IRAK2: variants seen among roughly 807,000 people sequenced by gnomAD.
IRAK2 encodes interleukin 1 receptor associated kinase 2.
IRAK2 carries 57 observed loss-of-function variants against 72.0 expected under a neutral mutation model. That is an observed-to-expected ratio of 0.79 (90% CI 0.64 to 0.99). The LOEUF (loss-of-function observed/expected upper bound fraction) is 0.99, where lower values mean the gene tolerates loss of function less well. IRAK2 is among the 50% of genes least tolerant of loss of function. IRAK2 has a pLI of 0.00. For synonymous variants in IRAK2, 293 were observed against 312.7 expected (o/e 0.94, Z 0.67); for missense variants, 790 against 794.4 (o/e 0.99, Z 0.07).
intron 1 of IRAK2, among the ~76,000 whole-genome samples, 190 bp downstream of exon 1, chr3:10,165,238 C>T (rs1696662383): frequency 6.6e-6 from 1 of 152,234 alleles, no homozygotes; most frequent in African/African-American, 2.4e-5. Context: ...CGCGTGGTCT[C>T]TGAGGACGTC....
chr3:10,231,377 T>C (rs547156845), intron 10 of IRAK2, among the ~76,000 whole-genome samples: 48 of 152,240 alleles, frequency 3.2e-4, no homozygotes, highest in African/African-American at 1.1e-3. Context: ...CCACAACCTC[T>C]GTCTCCCAGG....
At chr3:10,231,592 CA>C (rs1047758941) in intron 10 of IRAK2, among the ~76,000 whole-genome samples, 16 of 152,112 alleles carry the variant, frequency 1.1e-4, no homozygotes, top group Non-Finnish European at 4.4e-5. Context: ...CGTGCCCAGC[CA>C]AAAGTTGCTT....
chr3:10,229,673 C>A (rs1697830173), intron 10 of IRAK2, among the ~76,000 whole-genome samples: 2 of 152,168 alleles, frequency 1.3e-5, no homozygotes, highest in South Asian at 4.1e-4. Flanking sequence ...TAATTCATTC[C>A]TTTTCATTGC....
chr3:10,191,226 C>T (rs938864002), intron 2 of IRAK2, among the ~76,000 whole-genome samples: 19 of 151,150 alleles, frequency 1.3e-4, no homozygotes, highest in Admixed American at 1.3e-3. Flanking sequence ...ACCCGGGAGG[C>T]GGAGCTTGCA....
chr3:10,236,852 A>T (rs1227569944), intron 11 of IRAK2, among the ~76,000 whole-genome samples: 1 of 152,242 alleles, frequency 6.6e-6, no homozygotes, highest in Non-Finnish European at 1.5e-5. Context: ...ATAGATGTTT[A>T]TTCTCTTTAG....
At chr3:10,171,963 C>G (rs113921681) in intron 1 of IRAK2, among the ~76,000 whole-genome samples, 1 of 150,664 alleles carries the variant, frequency 6.6e-6, no homozygotes, top group Non-Finnish European at 1.5e-5. Context: ...ATGGGCTGGG[C>G]GTAGTGGCTC....
At chr3:10,202,127 T>A (rs2125152207) in intron 3 of IRAK2, among the ~76,000 whole-genome samples, 1 of 152,076 alleles carries the variant, frequency 6.6e-6, no homozygotes, top group East Asian at 1.9e-4. Context: ...GGCCAAGGAG[T>A]CTGGATTATT....
At chr3:10,217,155 G>C in intron 7 of IRAK2, 107 bp downstream of exon 7, 1 of 735,362 alleles carries the variant, frequency 1.4e-6, no homozygotes, top group Non-Finnish European at 2.4e-6. Context: ...CCATCTAGGT[G>C]AGACCAGGGA....
intron 9 of IRAK2, among the ~76,000 whole-genome samples, chr3:10,224,292 G>C (rs929826036): frequency 6.7e-6 from 1 of 150,102 alleles, no homozygotes; most frequent in African/African-American, 2.5e-5. Context: ...AGCCGAGATC[G>C]CGCCATTGCA....
intron 2 of IRAK2, among the ~76,000 whole-genome samples, chr3:10,181,791 G>C (rs1442562952): frequency 6.6e-6 from 1 of 151,992 alleles, no homozygotes; most frequent in Non-Finnish European, 1.5e-5. Flanking sequence ...TCCGACCCTG[G>C]AGACTGGAAT....
At position 10,165,049 on chromosome 3, in the gene IRAK2, G is replaced by C. The variant is rs1185725869; in HGVS notation, c.94+1G>C. Reference sequence around the variant, plus strand: ...AGCGAGTGGGACTGGATGGAGTTCGGTGAGTGCGGCCCGGGGAGGGGAGGG... The same window carrying C: ...AGCGAGTGGGACTGGATGGAGTTCGCTGAGTGCGGCCCGGGGAGGGGAGGG... On this transcript the variant is annotated splice_donor_variant, in intron 1 of 12. Transcript: ENST00000256458. LOFTEE classifies it high-confidence loss of function. The C allele has an allele frequency of 6.2e-7, 1 of 1,609,700 alleles. No homozygotes were observed. Among genetic ancestry groups the C allele is most frequent in the Non-Finnish European group, 8.5e-7 (1 of 1,178,772 alleles).
At chr3:10,166,964 G>A (rs761138246) in intron 1 of IRAK2, among the ~76,000 whole-genome samples, 2 of 152,072 alleles carry the variant, frequency 1.3e-5, no homozygotes, top group South Asian at 2.1e-4. Flanking sequence ...TACTTTGAAT[G>A]TTTCCTGGGC....
At chr3:10,182,214 C>G (rs527416766) in intron 2 of IRAK2, among the ~76,000 whole-genome samples, 1 of 151,986 alleles carries the variant, frequency 6.6e-6, no homozygotes, top group Non-Finnish European at 1.5e-5. Context: ...GGTGATCCAC[C>G]GGCCTTGGCC....
chr3:10,214,906 C>T (rs1289366294), intron 6 of IRAK2, among the ~76,000 whole-genome samples: 1 of 151,758 alleles, frequency 6.6e-6, no homozygotes, highest in Non-Finnish European at 1.5e-5. Flanking sequence ...ATCAGCTGGG[C>T]AACATGGCAA....
At chr3:10,205,103 A>G (rs1697415895) in intron 3 of IRAK2, among the ~76,000 whole-genome samples, 1 of 152,174 alleles carries the variant, frequency 6.6e-6, no homozygotes, top group Non-Finnish European at 1.5e-5. Context: ...TGATCCACCC[A>G]TGGCCAACTT....
intron 1 of IRAK2, among the ~76,000 whole-genome samples, chr3:10,172,663 C>A (rs1166200072): frequency 5.5e-5 from 8 of 146,280 alleles, no homozygotes; most frequent in African/African-American, 2.0e-4. Context: ...CATAGTGAAA[C>A]CCCGTCTCTA....
At chr3:10,221,248 ATTTTTTTTT>A (rs34742796) in intron 8 of IRAK2, among the ~76,000 whole-genome samples, 2 of 89,714 alleles carry the variant, frequency 2.2e-5, no homozygotes, top group Non-Finnish European at 4.1e-5. Flanking sequence ...AAAAAAAAAA[ATTTTTTTTT>A]TTTTTTTTTT....
intron 8 of IRAK2, among the ~76,000 whole-genome samples, chr3:10,220,786 G>T (rs1038544159): frequency 4.6e-5 from 7 of 151,976 alleles, no homozygotes; most frequent in African/African-American, 1.7e-4. Context: ...CTAATAGCAG[G>T]CAAGGAAATG....
chr3:10,228,750 T>A (rs1357039709), intron 10 of IRAK2, among the ~76,000 whole-genome samples: 1 of 152,062 alleles, frequency 6.6e-6, no homozygotes, highest in Admixed American at 6.6e-5. Context: ...TGGCCCAGGG[T>A]AGGAGGAAGC....
Sources: gnomAD v4.1 joint callset for allele counts (sites outside exome capture counted in the v4.1 genomes callset) on GRCh38, gnomAD v4.1.1 for gene constraint, MANE v1.5 for transcripts, NCBI Gene and HGNC (gene_info 2026-07-23, HGNC 2026-07-21) for gene names.